Variants in ADCY2 observed in about 807,000 individuals in gnomAD.
ADCY2 encodes the protein adenylate cyclase type 2.
ADCY2 carries 31 observed loss-of-function variants against 125.2 expected under a neutral mutation model. The ratio of observed to expected loss-of-function variants is 0.25; its 90% CI spans 0.19 to 0.33. ADCY2 has a LOEUF of 0.33. Ranked by LOEUF, ADCY2 falls within the 10% of genes least tolerant of loss-of-function variation. The pLI is 1.00. For synonymous variants in ADCY2, 512 were observed against 548.4 expected (o/e 0.93, Z 0.93); for missense variants, 904 against 1,418.2 (o/e 0.64, Z 5.82).
chr5:7,419,515 C>T (rs1305141013), intron 2 of ADCY2, among the ~76,000 whole-genome samples: 2 of 152,190 alleles, frequency 1.3e-5, no homozygotes, highest in South Asian at 2.1e-4. Flanking sequence ...GGCTCAATCA[C>T]GTCCTGCCTG....
intron 4 of ADCY2, chr5:7,654,323 GGAGGCCAA>G (rs1739243824): frequency 2.8e-6 from 1 of 359,632 alleles, no homozygotes; most frequent in South Asian, 2.1e-5. Context: ...TGCAGCACAG[GGAGGCCAA>G]GAGGGAAAAC....
At chr5:7,806,596 T>C (rs771849614) in intron 22 of ADCY2, among the ~76,000 whole-genome samples, 4 of 152,080 alleles carry the variant, frequency 2.6e-5, no homozygotes, top group Non-Finnish European at 5.9e-5. Context: ...AGGCCTCCCA[T>C]GGAGGGGAGA....
intron 3 of ADCY2, among the ~76,000 whole-genome samples, chr5:7,552,295 T>A (rs897899872): frequency 3.9e-5 from 6 of 152,186 alleles, no homozygotes; most frequent in East Asian, 1.9e-4. Context: ...CATTGTTTTT[T>A]AAAAAATCCA....
intron 2 of ADCY2, among the ~76,000 whole-genome samples, chr5:7,436,232 T>C: frequency 6.6e-6 from 1 of 152,224 alleles, no homozygotes; most frequent in East Asian, 1.9e-4. Flanking sequence ...TATTTAATGA[T>C]CAGTTTTCTC....
intron 3 of ADCY2, among the ~76,000 whole-genome samples, chr5:7,553,166 T>C (rs1297523236): frequency 2.6e-5 from 4 of 152,360 alleles, no homozygotes; most frequent in Non-Finnish European, 5.9e-5. Flanking sequence ...CATTTCAGTG[T>C]GAACCCACGA....
intron 23 of ADCY2, among the ~76,000 whole-genome samples, chr5:7,818,869 G>A (rs1289632181): frequency 1.3e-5 from 2 of 152,168 alleles, no homozygotes; most frequent in Non-Finnish European, 2.9e-5. Flanking sequence ...TATTACATGG[G>A]TGTATTAGGG....
At chr5:7,654,352 G>A (rs1312149956) in intron 4 of ADCY2, among the ~76,000 whole-genome samples, 1 of 152,134 alleles carries the variant, frequency 6.6e-6, no homozygotes. Context: ...GGGATCGAGA[G>A]AAGGTTATTT....
chr5:7,529,546 T>C (rs1005710431), intron 3 of ADCY2, among the ~76,000 whole-genome samples: 12 of 152,194 alleles, frequency 7.9e-5, no homozygotes, highest in Non-Finnish European at 1.2e-4. Context: ...CGTGAATGTC[T>C]GGACATGGAA....
chr5:7,544,971 T>A (rs745358477), intron 3 of ADCY2, among the ~76,000 whole-genome samples: 1 of 152,144 alleles, frequency 6.6e-6, no homozygotes, highest in South Asian at 2.1e-4. Context: ...CTGCCCTGAG[T>A]CCATCCATGA....
intron 4 of ADCY2, among the ~76,000 whole-genome samples, chr5:7,629,420 T>C (rs2126661572): frequency 6.6e-6 from 1 of 152,334 alleles, no homozygotes; most frequent in East Asian, 1.9e-4. Flanking sequence ...GATTTTGTGA[T>C]ATTTTTCAGA....
intron 3 of ADCY2, among the ~76,000 whole-genome samples, chr5:7,544,970 G>A (rs1418977661): frequency 6.6e-6 from 1 of 152,212 alleles, no homozygotes; most frequent in Non-Finnish European, 1.5e-5. Context: ...CCTGCCCTGA[G>A]TCCATCCATG....
chr5:7,610,945 G>T (rs1420217666), intron 3 of ADCY2, among the ~76,000 whole-genome samples: 1 of 152,198 alleles, frequency 6.6e-6, no homozygotes, highest in African/African-American at 2.4e-5. Context: ...ACTCCCAAGT[G>T]ATTCTGATGC....
At chr5:7,779,385 G>A (rs1187194411) in intron 18 of ADCY2, among the ~76,000 whole-genome samples, 1 of 152,210 alleles carries the variant, frequency 6.6e-6, no homozygotes, top group Non-Finnish European at 1.5e-5. Context: ...TCCATAGAAT[G>A]TGCAGTGTTT....
At chr5:7,633,521 G>A (rs1348776863) in intron 4 of ADCY2, among the ~76,000 whole-genome samples, 1 of 152,048 alleles carries the variant, frequency 6.6e-6, no homozygotes, top group Non-Finnish European at 1.5e-5. Flanking sequence ...TAATTAAGCA[G>A]AGATTCTTTT....
chr5:7,433,647 GAAGA>G (rs1740689881), intron 2 of ADCY2, among the ~76,000 whole-genome samples: 1 of 151,404 alleles, frequency 6.6e-6, no homozygotes. Context: ...CAAATTCCTT[GAAGA>G]AAGAAAAAAA....
intron 20 of ADCY2, chr5:7,799,667 G>A (rs1744531591): frequency 6.6e-6 from 1 of 152,370 alleles, no homozygotes; most frequent in Admixed American, 6.5e-5. Flanking sequence ...GCTCCCCTGA[G>A]CTCCATTTCC....
chr5:7,695,785 G>T lies in ADCY2; in HGVS notation c.903G>T (p.Arg301=), dbSNP rs1286337968. The change falls in exon 6 of 25, where the codon CGG becomes CGT. Residue 301 remains arginine (R), a synonymous_variant. Transcript: ENST00000338316. ...ILYADIVGFT[R]LASDCSPGEL... ...ACGCTGACATCGTTGGCTTTACCCG[G>T]CTGGCAAGTGACTGCTCCCCGGGAG... 4 of 1,612,390 alleles carry T rather than the reference G, an allele frequency of 2.5e-6. No homozygotes were observed. Among genetic ancestry groups the T allele is most frequent in the Non-Finnish European group, 3.4e-6 (4 of 1,179,186 alleles).
chr5:7,731,124 C>T (rs1742089844), intron 14 of ADCY2, among the ~76,000 whole-genome samples: 1 of 152,128 alleles, frequency 6.6e-6, no homozygotes. Flanking sequence ...CTTCACCCAA[C>T]ATTGAGATTA....
chr5:7,690,013 ATTG>A (rs1740656096), intron 4 of ADCY2, among the ~76,000 whole-genome samples: 1 of 152,192 alleles, frequency 6.6e-6, no homozygotes, highest in African/African-American at 2.4e-5. Flanking sequence ...TGAGTACAAT[ATTG>A]TTTACTAATA....
Sources: allele counts gnomAD v4.1 joint callset (sites outside exome capture counted in the v4.1 genomes callset), GRCh38; gene constraint gnomAD v4.1.1; transcripts MANE v1.5; gene names NCBI Gene and HGNC (gene_info 2026-07-23, HGNC 2026-07-21).